HHAT: variants seen among roughly 807,000 people sequenced by gnomAD.
HHAT encodes protein-cysteine N-palmitoyltransferase HHAT.
A neutral mutation model predicts 70.8 loss-of-function variants in HHAT; 47 were observed. The ratio of observed to expected loss-of-function variants is 0.66; its 90% confidence interval spans 0.53 to 0.85. The LOEUF is 0.85. HHAT is among the 40% of genes least tolerant of loss of function. The pLI is 0.00. For synonymous variants in HHAT, 228 were observed against 247.6 expected (o/e 0.92, Z 0.74); for missense variants, 609 against 604.8 (o/e 1.01, Z -0.07).
chr1:210,535,804 C>T (rs1318095413), intron 9 of HHAT, among the ~76,000 whole-genome samples: 1 of 152,048 alleles, frequency 6.6e-6, no homozygotes, highest in Non-Finnish European at 1.5e-5. Context: ...ATAAACACAC[C>T]CATGAAATAA....
At chr1:210,374,047 GCAAGTT>G (rs569893117) in intron 3 of HHAT, 93 of 152,316 alleles carry the variant, frequency 6.1e-4, no homozygotes, top group African/African-American at 2.2e-3. Context: ...AACTGTCTTT[GCAAGTT>G]CTGTTACACA....
chr1:210,645,233 A>G (rs1162831999), intron 11 of HHAT, among the ~76,000 whole-genome samples: 1 of 152,070 alleles, frequency 6.6e-6, no homozygotes, highest in Non-Finnish European at 1.5e-5. Context: ...TATTATGGAG[A>G]CACCACCATT....
intron 10 of HHAT, among the ~76,000 whole-genome samples, chr1:210,605,928 C>T (rs1665312735): frequency 6.6e-6 from 1 of 151,852 alleles, no homozygotes; most frequent in Admixed American, 6.6e-5. Context: ...TTGATCTTGG[C>T]TCACTGCAAC....
intron 10 of HHAT, among the ~76,000 whole-genome samples, chr1:210,593,650 T>C (rs1053635735): frequency 2.0e-5 from 3 of 152,178 alleles, no homozygotes; most frequent in African/African-American, 7.2e-5. Flanking sequence ...TCTGCAGCCA[T>C]TGGTACAGAA....
At chr1:210,374,958 C>T (rs1486371878) in intron 3 of HHAT, among the ~76,000 whole-genome samples, 1 of 152,176 alleles carries the variant, frequency 6.6e-6, no homozygotes, top group Non-Finnish European at 1.5e-5. Flanking sequence ...CCAGCAGTTC[C>T]TGGTGTCTGT....
chr1:210,427,041 T>G (rs1364941709), intron 7 of HHAT, among the ~76,000 whole-genome samples: 1 of 152,160 alleles, frequency 6.6e-6, no homozygotes, highest in African/African-American at 2.4e-5. Context: ...GTTCAGGAAT[T>G]CAGTTCTTTT....
intron 8 of HHAT, among the ~76,000 whole-genome samples, chr1:210,485,543 C>T (rs574187151): frequency 1.3e-5 from 2 of 152,214 alleles, no homozygotes; most frequent in South Asian, 2.1e-4. Context: ...TCAATTTTCA[C>T]ACCACTGATA....
At chr1:210,491,409 A>T (rs1047623997) in intron 8 of HHAT, among the ~76,000 whole-genome samples, 12 of 152,264 alleles carry the variant, frequency 7.9e-5, no homozygotes, top group East Asian at 5.8e-4. Flanking sequence ...AAGTTCAGAG[A>T]GCTGGTGGGA....
intron 8 of HHAT, among the ~76,000 whole-genome samples, chr1:210,484,562 C>T (rs1479741146): frequency 6.6e-6 from 1 of 151,388 alleles, no homozygotes; most frequent in Admixed American, 6.6e-5. Context: ...CATGCAAATA[C>T]TCTGCTCTTT....
intron 4 of HHAT, among the ~76,000 whole-genome samples, chr1:210,396,076 A>G (rs746023591): frequency 6.6e-6 from 1 of 152,186 alleles, no homozygotes; most frequent in Non-Finnish European, 1.5e-5. Flanking sequence ...TAAGTCAACC[A>G]GGGTTAGTAA....
intron 8 of HHAT, among the ~76,000 whole-genome samples, chr1:210,492,835 T>C (rs2094572519): frequency 6.6e-6 from 1 of 152,170 alleles, no homozygotes; most frequent in African/African-American, 2.4e-5. Flanking sequence ...CTAGACTAAA[T>C]GATCTCTGAA....
At chr1:210,385,853 A>G (rs2091006258) in intron 3 of HHAT, among the ~76,000 whole-genome samples, 1 of 152,178 alleles carries the variant, frequency 6.6e-6, no homozygotes, top group Admixed American at 6.5e-5. Flanking sequence ...GCTCTTATTT[A>G]AGCCTCAAAA....
intron 8 of HHAT, among the ~76,000 whole-genome samples, chr1:210,468,208 G>A (rs563942530): frequency 2.0e-5 from 3 of 152,264 alleles, no homozygotes; most frequent in Admixed American, 1.3e-4. Context: ...TGGATTTCAC[G>A]TTTTAATTTA....
At chr1:210,593,182 A>T (rs1444067637) in intron 10 of HHAT, among the ~76,000 whole-genome samples, 1 of 151,918 alleles carries the variant, frequency 6.6e-6, no homozygotes, top group Non-Finnish European at 1.5e-5. Flanking sequence ...TCATTGTTTC[A>T]ATTTTATGTA....
In HHAT at chr1:210,348,824, C is replaced by T. The variant is rs1437628526; in HGVS notation, c.-43-109C>T. The T allele has an allele frequency of 3.6e-6, 4 of 1,120,168 alleles. No individual in the cohort carries two copies. In the East Asian group the frequency reaches 7.9e-5, roughly 22 times the overall value. 69.4% of individuals were successfully genotyped at this position (1,120,168 alleles called of 1,614,324 possible). ...AGCTTGATTGGGGTTATGTCTGTAT[C>T]ACCTTGAATAGTGATGGGTCTCCGG... On this transcript the variant is annotated intron_variant, in intron 1 of 11. Coordinates refer to ENST00000261458, the MANE Select transcript of HHAT (RefSeq NM_018194.6).
intron 2 of HHAT, among the ~76,000 whole-genome samples, chr1:210,361,008 C>T (rs1392845669): frequency 6.6e-6 from 1 of 151,848 alleles, no homozygotes; most frequent in Non-Finnish European, 1.5e-5. Flanking sequence ...TATGTTCCAG[C>T]CTCAGGAAAT....
rs4027290 is a variant in HHAT, at chr1:210,365,309, G to GTTTTTTTTTT, written c.159+2406_159+2415dup. Among the ~76,000 whole-genome samples, 41 of 78,406 alleles carry GTTTTTTTTTT rather than the reference G, an allele frequency of 5.2e-4. 4 individuals are homozygous for GTTTTTTTTTT. The highest frequency in any genetic ancestry group is 1.3e-3 in the East Asian group (3 of 2,316). 51.4% of individuals were successfully genotyped at this position (78,406 alleles called of 152,430 possible). On this transcript the variant is annotated intron_variant, in intron 3 of 11. Transcript: ENST00000261458. ...TTGGTAAACCTCAGTACTGCTGACA[G>GTTTTTTTTTT]TTTTTTTTTTTTTTTTTTTTTTTTT...
chr1:210,439,359 A>G (rs2093451800), intron 7 of HHAT, among the ~76,000 whole-genome samples: 1 of 151,676 alleles, frequency 6.6e-6, no homozygotes, highest in Non-Finnish European at 1.5e-5. Flanking sequence ...TGACTTCCCA[A>G]AGAATTTCTG....
intron 8 of HHAT, among the ~76,000 whole-genome samples, chr1:210,489,015 T>C (rs6682994): frequency 0.93 from 141,541 of 152,316 alleles, 65,876 homozygotes; most frequent in Non-Finnish European, 0.96. Context: ...AAAAAGTGGA[T>C]AACAGAAGCA....
Sources: gnomAD v4.1 joint callset for allele counts (sites outside exome capture counted in the v4.1 genomes callset) on GRCh38, gnomAD v4.1.1 for gene constraint, MANE v1.5 for transcripts, NCBI Gene and HGNC (gene_info 2026-07-23, HGNC 2026-07-21) for gene names.